Variants in POLR1D observed in about 807,000 individuals in gnomAD.
POLR1D encodes the protein DNA-directed RNA polymerases I and III subunit RPAC2.
Under a neutral mutation model 10.8 loss-of-function variants are expected in POLR1D, and 8 were observed. That is an observed-to-expected ratio of 0.74 (90% CI 0.43 to 1.33). The LOEUF (loss-of-function observed/expected upper bound fraction) is 1.33. POLR1D is among the 40% of genes most tolerant of loss of function. POLR1D has a pLI of 0.01. For synonymous variants in POLR1D, 54 were observed against 57.2 expected, an observed-to-expected ratio of 0.94 and a Z score of 0.25; for missense variants, 152 against 161.7, an observed-to-expected ratio of 0.94 and a Z score of 0.32.
rs576355060 is a variant in POLR1D, at chr13:27,630,729, TACTC to T, written c.26+8722_26+8725del. 3.3e-5 allele frequency among the ~76,000 whole-genome samples: 5 copies of T among 152,366 alleles called. No homozygotes were observed. In the East Asian group the frequency reaches 9.6e-4, roughly 29 times the overall value. Reference sequence around the variant, plus strand: ...TAGCACAATTTCTAGTACACTTAAATACTCAAACATTAGCTATTGCTATTGATAT... The same window carrying T: ...TAGCACAATTTCTAGTACACTTAAATAAACATTAGCTATTGCTATTGATAT... On this transcript the variant is annotated intron_variant, in intron 1 of 2. Coordinates refer to the POLR1D transcript ENST00000399697.
chr13:27,622,774 A>G (rs575836696), intron 1 of POLR1D, 101 bp from the exon 2 acceptor site: 4 of 733,732 alleles, frequency 5.5e-6, no homozygotes, highest in Non-Finnish European at 7.1e-6. Context: ...GCTGGAGTAG[A>G]TTAATAATAA....
intron 1 of POLR1D, among the ~76,000 whole-genome samples, chr13:27,644,495 T>C (rs1318717557): frequency 1.3e-5 from 2 of 152,226 alleles, no homozygotes; most frequent in Admixed American, 1.3e-4. Flanking sequence ...GAAGCTGTGC[T>C]AGTATGGAAA....
chr13:27,624,915 T>G (rs112291782), downstream of POLR1D, among the ~76,000 whole-genome samples: 197 of 152,178 alleles, frequency 1.3e-3, no homozygotes, highest in Non-Finnish European at 2.2e-3. Context: ...TAAAAACTTG[T>G]AATTCTGTAA....
intron 1 of POLR1D, among the ~76,000 whole-genome samples, chr13:27,633,373 T>G (rs1271699505): frequency 6.6e-6 from 1 of 152,216 alleles, no homozygotes; most frequent in Non-Finnish European, 1.5e-5. Context: ...CCCATATACC[T>G]ACTGTGTGAT....
intron 1 of POLR1D, among the ~76,000 whole-genome samples, chr13:27,644,833 A>G (rs553219326): frequency 2.6e-5 from 4 of 152,266 alleles, no homozygotes; most frequent in African/African-American, 7.2e-5. Flanking sequence ...ATTAAAAACT[A>G]TCTTGTTTCA....
chr13:27,623,337 C>G lies in POLR1D; in HGVS notation c.*87C>G. 6.3e-7 allele frequency: 1 copy of G among 1,588,468 alleles called. No individual in the cohort carries two copies. Among genetic ancestry groups the G allele is most frequent in the Non-Finnish European group, 8.6e-7 (1 of 1,168,140 alleles). ...ACCCAGAATTAGAAGTTTGTGGTTA[C>G]AGCATACTCTGTCCTTCAGAAAGGC... On this transcript the variant is annotated 3_prime_UTR_variant, in exon 2 of 2. Coordinates refer to ENST00000302979, the MANE Select transcript of POLR1D (RefSeq NM_015972.4).
At chr13:27,636,103 A>G (rs1468738019) in intron 1 of POLR1D, among the ~76,000 whole-genome samples, 2 of 152,216 alleles carry the variant, frequency 1.3e-5, no homozygotes, top group Non-Finnish European at 2.9e-5. Context: ...CACAATAATC[A>G]TAGACACATC....
chr13:27,652,866 CAAAAA>C (rs34688215), intron 2 of POLR1D, among the ~76,000 whole-genome samples: 1 of 117,194 alleles, frequency 8.5e-6, no homozygotes, highest in African/African-American at 3.6e-5. Flanking sequence ...GACTCCATCT[CAAAAA>C]AAAAAAAAGA....
At chr13:27,636,383 T>C (rs1344182080) in intron 1 of POLR1D, among the ~76,000 whole-genome samples, 2 of 152,186 alleles carry the variant, frequency 1.3e-5, no homozygotes, top group Non-Finnish European at 2.9e-5. Context: ...CCTCTAACTC[T>C]AACATTTGAG....
At chr13:27,657,007 A>G (rs2138567516) in intron 2 of POLR1D, among the ~76,000 whole-genome samples, 1 of 152,308 alleles carries the variant, frequency 6.6e-6, no homozygotes, top group East Asian at 1.9e-4. Context: ...GTAATCCTCT[A>G]TTGGCCAGGT....
chr13:27,624,464 C>G (rs1166229599), downstream of POLR1D, among the ~76,000 whole-genome samples: 1 of 152,138 alleles, frequency 6.6e-6, no homozygotes, highest in Non-Finnish European at 1.5e-5. Flanking sequence ...CCTACATTTC[C>G]TACACTCAGC....
chr13:27,637,254 A>G (rs1018469873), intron 1 of POLR1D, among the ~76,000 whole-genome samples: 3 of 152,176 alleles, frequency 2.0e-5, no homozygotes, highest in Non-Finnish European at 4.4e-5. Context: ...TTTTCTCCAT[A>G]CTATAGAGAT....
intron 2 of POLR1D, among the ~76,000 whole-genome samples, chr13:27,655,358 C>T (rs75012421): frequency 0.033 from 5,088 of 152,276 alleles, 135 homozygotes; most frequent in Non-Finnish European, 0.054. Context: ...AAGACATTCT[C>T]ATGCATAACC....
intron 2 of POLR1D, among the ~76,000 whole-genome samples, chr13:27,652,378 G>A (rs905508630): frequency 6.6e-6 from 1 of 152,194 alleles, no homozygotes; most frequent in African/African-American, 2.4e-5. Context: ...TGAGATTTGT[G>A]TGGGCATTGA....
chr13:27,649,170 A>G (rs1037384135), intron 2 of POLR1D, among the ~76,000 whole-genome samples: 3 of 152,230 alleles, frequency 2.0e-5, no homozygotes, highest in African/African-American at 7.2e-5. Context: ...AACGTACTGC[A>G]ATGGAATAAG....
downstream of POLR1D, among the ~76,000 whole-genome samples, chr13:27,625,469 T>C (rs1955999508): frequency 1.3e-5 from 2 of 152,104 alleles, no homozygotes; most frequent in Non-Finnish European, 2.9e-5. Flanking sequence ...ACTGCCTAGC[T>C]TTGGGGCCAA....
At chr13:27,642,610 C>T (rs1208338795) in intron 1 of POLR1D, among the ~76,000 whole-genome samples, 1 of 151,808 alleles carries the variant, frequency 6.6e-6, no homozygotes, top group Non-Finnish European at 1.5e-5. Context: ...CCACACATAC[C>T]CAGAACCCAT....
At chr13:27,622,336 CCTT>C (rs1253070047) in intron 1 of POLR1D, 2 of 469,568 alleles carry the variant, frequency 4.3e-6, no homozygotes, top group African/African-American at 4.0e-5. Flanking sequence ...CTACGGCTCA[CCTT>C]CTTTCTATGT....
intron 2 of POLR1D, among the ~76,000 whole-genome samples, chr13:27,649,828 C>T (rs970568332): frequency 3.3e-5 from 5 of 152,166 alleles, no homozygotes; most frequent in Admixed American, 6.5e-5. Context: ...GAAAGGAGAG[C>T]GGAATCCTTA....
Sources: gnomAD v4.1 joint callset for allele counts (sites outside exome capture counted in the v4.1 genomes callset) on GRCh38, gnomAD v4.1.1 for gene constraint, MANE v1.5 for transcripts, NCBI Gene and HGNC (gene_info 2026-07-23, HGNC 2026-07-21) for gene names.